Variants in TMPRSS11B observed in about 807,000 individuals in gnomAD.
TMPRSS11B encodes the protein transmembrane serine protease 11B.
A neutral mutation model predicts 44.7 loss-of-function variants in TMPRSS11B; 53 were observed. That is an observed-to-expected ratio of 1.19 (90% CI 0.95 to 1.49). The LOEUF (loss-of-function observed/expected upper bound fraction) is 1.49, where lower values mean the gene tolerates loss of function less well. TMPRSS11B is among the 40% of genes most tolerant of loss of function. The pLI is 0.00. For missense variants in TMPRSS11B, 526 were observed against 494.8 expected, an observed-to-expected ratio of 1.06 and a Z score of -0.60; for synonymous variants, 140 against 159.2, an observed-to-expected ratio of 0.88 and a Z score of 0.91.
chr4:68,229,422 TTTC>T lies in TMPRSS11B; in HGVS notation c.778_780del (p.Glu260del), dbSNP rs1332075476. 1.9e-6 allele frequency: 3 copies of T among 1,613,878 alleles called. No homozygotes were observed. In the African/African-American group the frequency reaches 4.0e-5, roughly 22 times the overall value. ...TCATGAAGCCCAGGACTGCTATAAT[TTTC>T]ATGAAAAATAATGTTTTGGACTTTC... On this transcript the variant is annotated inframe_deletion, in exon 8 of 10. Transcript: ENST00000332644.
chr4:68,233,187 C>T (rs1719567299), intron 5 of TMPRSS11B, among the ~76,000 whole-genome samples: 1 of 151,960 alleles, frequency 6.6e-6, no homozygotes, highest in African/African-American at 2.4e-5. Flanking sequence ...CCCTCTTTCC[C>T]AAAAGCTACT....
chr4:68,239,170 T>C (rs1454166084), intron 2 of TMPRSS11B, among the ~76,000 whole-genome samples: 1 of 152,206 alleles, frequency 6.6e-6, no homozygotes, highest in Non-Finnish European at 1.5e-5. Context: ...AGAATTATGG[T>C]TAAATGGGGT....
At position 68,243,508 on chromosome 4, in the gene TMPRSS11B, G is replaced by A. The variant is rs1048984570; in HGVS notation, c.9-1704C>T. Among the ~76,000 whole-genome samples, 3 of 151,920 alleles carry A rather than the reference G, an allele frequency of 2.0e-5. No homozygotes were observed. The East Asian group carries it at 5.8e-4, about 29-fold the overall frequency. The stretch of plus-strand genomic sequence containing the variant: ...CGCAGAACCAACATTATTCATCAAA[G>A]CTCTTCAAAGAAACTCCTTATTTCA... On this transcript the variant is annotated intron_variant, in intron 1 of 9. Transcript: ENST00000332644.
intron 1 of TMPRSS11B, among the ~76,000 whole-genome samples, chr4:68,243,845 T>C (rs1044407898): frequency 6.6e-6 from 1 of 152,140 alleles, no homozygotes; most frequent in Non-Finnish European, 1.5e-5. Context: ...ATCACTGCTT[T>C]ACCCAGCTTA....
At chr4:68,239,963 G>A (rs1420694730) in intron 2 of TMPRSS11B, among the ~76,000 whole-genome samples, 1 of 152,170 alleles carries the variant, frequency 6.6e-6, no homozygotes, top group African/African-American at 2.4e-5. Flanking sequence ...TTTGGAAATA[G>A]CATTGTTAAG....
Position 68,228,084 on chromosome 4 carries a change from A to G in TMPRSS11B, c.1090-12T>C, listed in dbSNP as rs761680070. 4 of 1,585,836 alleles carry G rather than the reference A, an allele frequency of 2.5e-6. No individual in the cohort carries two copies. Among genetic ancestry groups the G allele is most frequent in the Non-Finnish European group, 2.6e-6 (3 of 1,170,710 alleles). Reference sequence around the variant, plus strand: ...CCACCAGAATCATTCTAGAAGAAGAAAAGAAAAAAATGTTTCTTGTCTTAA... The same window carrying G: ...CCACCAGAATCATTCTAGAAGAAGAGAAGAAAAAAATGTTTCTTGTCTTAA... On this transcript the variant is annotated splice_polypyrimidine_tract_variant and intron_variant, in intron 9 of 9. Transcript: ENST00000332644.
At position 68,245,683 on chromosome 4, in the gene TMPRSS11B, G is replaced by C; in HGVS notation, c.-125C>G. ...GTTAGAACCTTCTGACGCAGCTTTT[G>C]ACTTATGTGCTACATCCAGTGTTGG... On this transcript the variant is annotated 5_prime_UTR_variant, in exon 1 of 10. Coordinates refer to ENST00000332644, the MANE Select transcript of TMPRSS11B (RefSeq NM_182502.3). 2 of 1,166,748 alleles carry C rather than the reference G, an allele frequency of 1.7e-6. No individual in the cohort carries two copies. Among genetic ancestry groups the C allele is most frequent in the South Asian group, 1.3e-5 (1 of 77,238 alleles). The allele number at this position is 1,166,748 out of a possible 1,614,324, so 72.3% of individuals were successfully genotyped here.
At chr4:68,242,798 C>G (rs780189039) in intron 1 of TMPRSS11B, among the ~76,000 whole-genome samples, 1 of 152,068 alleles carries the variant, frequency 6.6e-6, no homozygotes, top group East Asian at 1.9e-4. Context: ...AACTCCTGAG[C>G]TCAAGCGATC....
At position 68,234,561 on chromosome 4, in the gene TMPRSS11B, CCTT is replaced by C. The variant is rs1719609559; in HGVS notation, c.368_370del (p.Glu123del). On this transcript the variant is annotated inframe_deletion, in exon 5 of 10. Coordinates refer to ENST00000332644, the MANE Select transcript of TMPRSS11B (RefSeq NM_182502.3). ...CTTGATTTTAGTCCTCATGCTAACT[CCTT>C]CTGCTGGAGGAAACTTGAATTTCAG... The C allele has an allele frequency of 3.1e-6, 5 of 1,613,830 alleles. No homozygotes were observed. The highest frequency in any genetic ancestry group is 1.1e-5 in the South Asian group (1 of 91,086).
At chr4:68,233,540 G>C (rs6823555) in intron 5 of TMPRSS11B, among the ~76,000 whole-genome samples, 3,662 of 152,058 alleles carry the variant, frequency 0.024, 131 homozygotes, top group African/African-American at 0.081. Flanking sequence ...AAGAGGGATA[G>C]ATTGTTTACT....
At chr4:68,236,463 C>G (rs1719670510) in intron 2 of TMPRSS11B, among the ~76,000 whole-genome samples, 197 bp from the exon 3 acceptor site, 1 of 152,062 alleles carries the variant, frequency 6.6e-6, no homozygotes, top group Admixed American at 6.6e-5. Flanking sequence ...CCATTTATAC[C>G]TCTGCCTCAA....
At chr4:68,236,526 AG>A (rs1719672166) in intron 2 of TMPRSS11B, among the ~76,000 whole-genome samples, 1 of 152,154 alleles carries the variant, frequency 6.6e-6, no homozygotes, top group East Asian at 1.9e-4. Flanking sequence ...ATAAAAGGAG[AG>A]GAGTGAACAA....
chr4:68,234,706 A>T, intron 4 of TMPRSS11B, 83 bp from the exon 5 acceptor site: 1 of 1,404,724 alleles, frequency 7.1e-7, no homozygotes, highest in Non-Finnish European at 9.8e-7. Flanking sequence ...ACACATTTTA[A>T]TTATCACATT....
At position 68,236,169 on chromosome 4, in the gene TMPRSS11B, G is replaced by C. The variant is rs372455710; in HGVS notation, c.222C>G (p.Ser74Arg). 3.1e-6 allele frequency: 5 copies of C among 1,608,634 alleles called. No individual in the cohort carries two copies. The African/African-American group carries it at 6.7e-5, about 22-fold the overall frequency. Residue 74 changes from serine (S) to arginine (R), a missense_variant, in exon 3 of 10, where the codon AGC becomes AGG. By Grantham distance (110) the Ser-to-Arg change is moderately radical. Coordinates refer to ENST00000332644, the MANE Select transcript of TMPRSS11B (RefSeq NM_182502.3). ...NAASQASTNL[S>R]KDIETKMLNA... ...GATTTACCTTAGTCTCAATATCTTTGCTTAGATTTGTGCTGGCTTGTGAAG... is the reference window on the plus strand; with the variant it reads ...GATTTACCTTAGTCTCAATATCTTTCCTTAGATTTGTGCTGGCTTGTGAAG...
rs778108767 is a variant in TMPRSS11B at position 68,245,598 on chromosome 4, G to A, written c.-40C>T. On this transcript the variant is annotated 5_prime_UTR_variant, in exon 1 of 10. Transcript: ENST00000332644. Reference sequence around the variant, plus strand: ...TATGGCAGTATCAGGTATAACGGTGGTAATGATGATGACGAAGATAACGAT... The same window carrying A: ...TATGGCAGTATCAGGTATAACGGTGATAATGATGATGACGAAGATAACGAT... 1.1e-5 allele frequency: 17 copies of A among 1,609,132 alleles called. No homozygotes were observed. The highest frequency in any genetic ancestry group is 3.3e-4 in the Middle Eastern group (2 of 6,068).
Position 68,234,548 on chromosome 4 carries a change from C to T in TMPRSS11B, c.384G>A (p.Arg128=), listed in dbSNP as rs1240357020. 3.1e-6 allele frequency: 5 copies of T among 1,613,800 alleles called. No individual in the cohort carries two copies. In the Admixed American group the frequency reaches 6.7e-5, roughly 22 times the overall value. The change falls in exon 5 of 10, where the codon AGG becomes AGA. Residue 128 remains arginine, a synonymous_variant. Transcript: ENST00000332644. ...GATGTAATTTAGCCTTGATTTTAGTCCTCATGCTAACTCCTTCTGCTGGAG... is the reference window on the plus strand; with the variant it reads ...GATGTAATTTAGCCTTGATTTTAGTTCTCATGCTAACTCCTTCTGCTGGAG... ...KFPPAEGVSM[R]TKIKAKLHQM... is the part of the protein sequence containing the mutation.
chr4:68,242,174 C>G (rs190870415), intron 1 of TMPRSS11B, among the ~76,000 whole-genome samples: 1 of 115,326 alleles, frequency 8.7e-6, no homozygotes, highest in African/African-American at 3.3e-5. Context: ...CATATAAAGA[C>G]TTATAGACAC....
Position 68,229,366 on chromosome 4 carries a change from T to C in TMPRSS11B, c.837A>G (p.Glu279=). ...DDIALVQLAE[E]VSFTEYIRKI... The stretch of plus-strand genomic sequence containing the variant: ...TACGAATGTACTCTGTAAAAGAAAC[T>C]TCTTCAGCAAGCTGCACAAGGGCAA... The change falls in exon 8 of 10, where the codon GAA becomes GAG. Residue 279 remains glutamate (E), a synonymous_variant. Transcript: ENST00000332644. The C allele has an allele frequency of 6.2e-7, 1 of 1,614,064 alleles. No individual in the cohort carries two copies. The highest frequency in any genetic ancestry group is 8.5e-7 in the Non-Finnish European group (1 of 1,179,980).
intron 2 of TMPRSS11B, among the ~76,000 whole-genome samples, chr4:68,239,254 G>GCTCTCTCTCGCGCGCGCGCT: frequency 6.7e-6 from 1 of 150,146 alleles, no homozygotes; most frequent in South Asian, 2.1e-4. Context: ...TCTCTTGCGC[G>GCTCTCTCTCGCGCGCGCGCT]CTCTCTCTCG....
Sources: allele counts gnomAD v4.1 joint callset (sites outside exome capture counted in the v4.1 genomes callset), GRCh38; gene constraint gnomAD v4.1.1; transcripts MANE v1.5; gene names NCBI Gene and HGNC (gene_info 2026-07-23, HGNC 2026-07-21).